FRMD4A: variants seen among roughly 807,000 people sequenced by gnomAD.
The protein encoded by FRMD4A is FERM domain-containing protein 4A.
A neutral mutation model predicts 129.1 loss-of-function variants in FRMD4A; 29 were observed. That is an observed-to-expected ratio of 0.22 (90% CI 0.17 to 0.31). The LOEUF (loss-of-function observed/expected upper bound fraction) is 0.31. Ranked by LOEUF, FRMD4A falls within the 10% of genes least tolerant of loss-of-function variation. The probability of loss-of-function intolerance (pLI) is 1.00; values close to 1 mark genes in which losing one functional copy is unlikely to be tolerated. For synonymous variants in FRMD4A, 634 were observed against 571.6 expected (o/e 1.11, Z -1.56); for missense variants, 1,272 against 1,375.8 (o/e 0.92, Z 1.19).
chr10:13,658,881 CAAAAAAAAA>C (rs60536121), intron 21 of FRMD4A, among the ~76,000 whole-genome samples: 1 of 75,196 alleles, frequency 1.3e-5, no homozygotes, highest in Non-Finnish European at 3.3e-5. Context: ...GACTCCATCT[CAAAAAAAAA>C]AAAAAAAAAA....
intron 13 of FRMD4A, among the ~76,000 whole-genome samples, chr10:13,702,647 AT>A (rs2086955153): frequency 1.3e-5 from 2 of 152,120 alleles, no homozygotes; most frequent in African/African-American, 2.4e-5. Flanking sequence ...AACAAAATGT[AT>A]GTTCTCAAGA....
At chr10:14,183,623 T>C (rs1841980779) in intron 2 of FRMD4A, among the ~76,000 whole-genome samples, 2 of 152,132 alleles carry the variant, frequency 1.3e-5, no homozygotes, top group Non-Finnish European at 2.9e-5. Flanking sequence ...AATTTCTCAC[T>C]GTGTCAAAAT....
chr10:13,666,906 C>CTTTT (rs1332736420), intron 17 of FRMD4A, among the ~76,000 whole-genome samples: 1 of 129,506 alleles, frequency 7.7e-6, no homozygotes, highest in East Asian at 2.1e-4. Context: ...CTTTTCTTTT[C>CTTTT]TTTTCTTTTT....
chr10:13,895,018 A>C (rs1395926071), intron 2 of FRMD4A, among the ~76,000 whole-genome samples: 1 of 152,264 alleles, frequency 6.6e-6, no homozygotes, highest in Admixed American at 6.5e-5. Flanking sequence ...TGAGGATTAA[A>C]CGAGTTAATA....
chr10:13,728,590 T>TTTTTTTTTTTTTTTTTTTC (rs2090086922), intron 12 of FRMD4A, among the ~76,000 whole-genome samples: 1 of 138,206 alleles, frequency 7.2e-6, no homozygotes, highest in Non-Finnish European at 1.6e-5. Context: ...TTTTTTTTTT[T>TTTTTTTTTTTTTTTTTTTC]GAGATGGAGT....
intron 2 of FRMD4A, among the ~76,000 whole-genome samples, chr10:14,038,540 A>C (rs1025241026): frequency 6.6e-6 from 1 of 152,170 alleles, no homozygotes; most frequent in Non-Finnish European, 1.5e-5. Flanking sequence ...GCAAGCCCCC[A>C]AAAGATTGAA....
At chr10:13,775,653 ACC>A (rs2092578920) in intron 6 of FRMD4A, among the ~76,000 whole-genome samples, 1 of 152,054 alleles carries the variant, frequency 6.6e-6, no homozygotes, top group Non-Finnish European at 1.5e-5. Flanking sequence ...AGAAGGAAAG[ACC>A]CTGATGGGGA....
chr10:13,691,281 C>T (rs2085663735), intron 15 of FRMD4A, among the ~76,000 whole-genome samples: 1 of 152,214 alleles, frequency 6.6e-6, no homozygotes, highest in Non-Finnish European at 1.5e-5. Context: ...AGCCACTGCG[C>T]CCGGCCAGAT....
At position 14,185,753 on chromosome 10, in the gene FRMD4A, G is replaced by A. The variant is rs60861024; in HGVS notation, c.45+144305C>T. On this transcript the variant is annotated intron_variant, in intron 2 of 24. Transcript: ENST00000357447. ...AGGGATGGCAACAGCAGTAGACCAG[G>A]CTAGTACCAGCCAAAGCAACAGATA... Among the ~76,000 whole-genome samples, 25 of 152,294 alleles carry A rather than the reference G, an allele frequency of 1.6e-4. No homozygotes were observed. The East Asian group carries it at 3.9e-3, about 24-fold the overall frequency.
chr10:13,707,669 G>A (rs940194700), intron 12 of FRMD4A: 16 of 985,858 alleles, frequency 1.6e-5, no homozygotes, highest in Non-Finnish European at 1.9e-5. Context: ...GCCTTGCAAA[G>A]GGCGGAGGAG....
chr10:13,845,622 C>T (rs1458793375), intron 3 of FRMD4A, among the ~76,000 whole-genome samples: 2 of 152,148 alleles, frequency 1.3e-5, no homozygotes, highest in Non-Finnish European at 2.9e-5. Flanking sequence ...AGCAGTCTGG[C>T]CGAGGCCTCT....
intron 2 of FRMD4A, among the ~76,000 whole-genome samples, chr10:14,223,830 T>C (rs1425471325): frequency 6.6e-6 from 1 of 150,404 alleles, no homozygotes; most frequent in African/African-American, 2.4e-5. Flanking sequence ...GAAGATATTC[T>C]AGCAACCCCA....
At chr10:13,884,202 A>T (rs11258701) in intron 2 of FRMD4A, among the ~76,000 whole-genome samples, 9 of 51,880 alleles carry the variant, frequency 1.7e-4, no homozygotes, top group African/African-American at 5.7e-4. Flanking sequence ...ACACTCACAC[A>T]CACACTCACA....
At position 14,198,734 on chromosome 10, in the gene FRMD4A, C is replaced by T. The variant is rs144525931; in HGVS notation, c.45+131324G>A. The stretch of plus-strand genomic sequence containing the variant: ...TTGAATTTGTCTCTTCCTCCATCCA[C>T]GGTGCGTTATCTTATAGCTTTCCTA... On this transcript the variant is annotated intron_variant, in intron 2 of 24. Coordinates refer to ENST00000357447, the MANE Select transcript of FRMD4A (RefSeq NM_018027.5). 6.2e-3 allele frequency among the ~76,000 whole-genome samples: 941 copies of T among 152,318 alleles called. 9 individuals carry two copies. Among genetic ancestry groups the T allele is most frequent in the African/African-American group, 0.021 (886 of 41,562 alleles).
At chr10:13,930,613 C>A (rs1297396638) in intron 2 of FRMD4A, among the ~76,000 whole-genome samples, 1 of 152,078 alleles carries the variant, frequency 6.6e-6, no homozygotes, top group Non-Finnish European at 1.5e-5. Flanking sequence ...AGTGTCACTG[C>A]CAGACGTTCC....
chr10:13,726,954 A>AT (rs2089938152), intron 12 of FRMD4A, among the ~76,000 whole-genome samples: 1 of 151,810 alleles, frequency 6.6e-6, no homozygotes, highest in Admixed American at 6.6e-5. Context: ...CCCAGGCTGG[A>AT]GTGCGATGGC....
chr10:13,697,272 T>C (rs2086317237), intron 14 of FRMD4A, among the ~76,000 whole-genome samples: 1 of 151,214 alleles, frequency 6.6e-6, no homozygotes, highest in Non-Finnish European at 1.5e-5. Flanking sequence ...TTCTCCTCCC[T>C]CAGCCTCCTG....
Position 14,205,734 on chromosome 10 carries a change from G to A in FRMD4A, c.45+124324C>T, listed in dbSNP as rs187364787. Among the ~76,000 whole-genome samples the A allele has an allele frequency of 1.2e-4, 18 of 150,334 alleles. No homozygotes were observed. In the East Asian group the frequency reaches 2.6e-3, roughly 21 times the overall value. On this transcript the variant is annotated intron_variant, in intron 2 of 24. Coordinates refer to ENST00000357447, the MANE Select transcript of FRMD4A (RefSeq NM_018027.5). ...AGGTGGGAGAATCACTTGAAGCTGC[G>A]AGGTGGAGACTGCAGAGAGGTGAGA...
At chr10:13,985,830 T>C (rs1157383430) in intron 2 of FRMD4A, among the ~76,000 whole-genome samples, 1 of 152,204 alleles carries the variant, frequency 6.6e-6, no homozygotes, top group Non-Finnish European at 1.5e-5. Flanking sequence ...AGCCGCCCTC[T>C]AGAAGTCTGC....
Sources: allele counts gnomAD v4.1 joint callset (sites outside exome capture counted in the v4.1 genomes callset), GRCh38; gene constraint gnomAD v4.1.1; transcripts MANE v1.5; gene names NCBI Gene and HGNC (gene_info 2026-07-23, HGNC 2026-07-21).